Variants in NRG1 observed in about 807,000 individuals in gnomAD.
NRG1 encodes neuregulin 1, also known as pro-neuregulin-1, membrane-bound isoform.
NRG1 carries 18 observed loss-of-function variants against 63.8 expected under a neutral mutation model. The observed-to-expected ratio is 0.28, with a 90% CI of 0.19 to 0.42. NRG1 has a LOEUF of 0.42. Ranked by LOEUF, NRG1 falls within the 10% of genes least tolerant of loss-of-function variation. The pLI is 1.00. For missense variants in NRG1, 762 were observed against 814.7 expected (o/e 0.94, Z 0.79); for synonymous variants, 302 against 301.3 (o/e 1.00, Z -0.02).
intron 1 of NRG1, among the ~76,000 whole-genome samples, chr8:32,357,335 G>A (rs1477590574): frequency 6.6e-6 from 1 of 152,206 alleles, no homozygotes; most frequent in Middle Eastern, 3.2e-3. Flanking sequence ...AAGAAAGGAT[G>A]TAAAATCATG....
At chr8:32,594,149 C>T (rs1842970257) in intron 1 of NRG1, among the ~76,000 whole-genome samples, 1 of 152,134 alleles carries the variant, frequency 6.6e-6, no homozygotes, top group South Asian at 2.1e-4. Context: ...CGTAGAAAAA[C>T]AAATAGAGTT....
intron 1 of NRG1, among the ~76,000 whole-genome samples, chr8:32,533,369 C>A (rs1236063878): frequency 6.6e-6 from 1 of 152,034 alleles, no homozygotes; most frequent in Non-Finnish European, 1.5e-5. Flanking sequence ...AGTTATGTAG[C>A]TATAAAATAC....
chr8:31,757,731 A>G (rs1372623304), intron 1 of NRG1, among the ~76,000 whole-genome samples: 1 of 152,154 alleles, frequency 6.6e-6, no homozygotes, highest in African/African-American at 2.4e-5. Context: ...ATTGTTATCA[A>G]CACACGATAG....
At chr8:31,970,585 A>G (rs1392915172) in intron 1 of NRG1, among the ~76,000 whole-genome samples, 2 of 152,090 alleles carry the variant, frequency 1.3e-5, no homozygotes, top group East Asian at 3.9e-4. Flanking sequence ...CTGTGCAGTC[A>G]AACTCTCAAC....
At chr8:32,761,029 T>A in intron 11 of NRG1, 1 of 978,140 alleles carries the variant, frequency 1.0e-6, no homozygotes, top group Non-Finnish European at 1.2e-6. Flanking sequence ...AAGCAGATAC[T>A]GCCTTCAAGA....
At chr8:32,483,490 C>T (rs1278602433) in intron 1 of NRG1, among the ~76,000 whole-genome samples, 1 of 152,198 alleles carries the variant, frequency 6.6e-6, no homozygotes, top group Non-Finnish European at 1.5e-5. Flanking sequence ...TTAGTCTGGA[C>T]TTAGAGCAAA....
intron 1 of NRG1, among the ~76,000 whole-genome samples, chr8:31,942,607 C>T (rs1396747027): frequency 6.6e-6 from 1 of 152,074 alleles, no homozygotes; most frequent in Non-Finnish European, 1.5e-5. Context: ...AGACAATCCA[C>T]AGAGTAGGAG....
intron 1 of NRG1, among the ~76,000 whole-genome samples, chr8:31,857,737 T>G (rs6987944): frequency 0.68 from 103,905 of 152,154 alleles, 35,890 homozygotes; most frequent in East Asian, 0.92. Context: ...TTTATTTTAT[T>G]TTTATTTTAG....
intron 1 of NRG1, among the ~76,000 whole-genome samples, chr8:31,951,781 A>C (rs2129623362): frequency 6.6e-6 from 1 of 152,322 alleles, no homozygotes; most frequent in African/African-American, 2.4e-5. Context: ...ACATAGTAGA[A>C]AGTAGAATAT....
chr8:32,676,569 CT>C (rs1366478864), intron 5 of NRG1, among the ~76,000 whole-genome samples: 1 of 152,116 alleles, frequency 6.6e-6, no homozygotes, highest in Non-Finnish European at 1.5e-5. Flanking sequence ...AATTAATATA[CT>C]TTTCTCAGGT....
chr8:31,813,808 T>A (rs941918196), intron 1 of NRG1, among the ~76,000 whole-genome samples: 7 of 152,104 alleles, frequency 4.6e-5, no homozygotes, highest in Admixed American at 2.6e-4. Context: ...ATTATAGGTG[T>A]GAGCCATCAT....
intron 1 of NRG1, among the ~76,000 whole-genome samples, chr8:32,381,864 TA>T (rs1374206991): frequency 6.6e-6 from 1 of 152,222 alleles, no homozygotes; most frequent in Non-Finnish European, 1.5e-5. Context: ...AAAGTTAGTA[TA>T]AGCAGTTAAA....
At chr8:32,103,284 ATGTT>A (rs1830808310) in intron 1 of NRG1, among the ~76,000 whole-genome samples, 1 of 152,160 alleles carries the variant, frequency 6.6e-6, no homozygotes, top group Admixed American at 6.5e-5. Context: ...AGAATACACA[ATGTT>A]TGTCTTTCTG....
At chr8:31,965,710 GT>G (rs1275423666) in intron 1 of NRG1, among the ~76,000 whole-genome samples, 1 of 152,092 alleles carries the variant, frequency 6.6e-6, no homozygotes, top group African/African-American at 2.4e-5. Context: ...AACATCTGTT[GT>G]TTTTTGACTT....
chr8:32,195,477 A>T (rs1437643791), intron 1 of NRG1, among the ~76,000 whole-genome samples: 1 of 151,770 alleles, frequency 6.6e-6, no homozygotes, highest in Admixed American at 6.6e-5. Flanking sequence ...CAGTTAAAAT[A>T]GGTCAACATC....
chr8:31,912,426 C>A (rs545787221), intron 1 of NRG1, among the ~76,000 whole-genome samples: 35 of 151,948 alleles, frequency 2.3e-4, no homozygotes, highest in Non-Finnish European at 4.3e-4. Context: ...CTGGAAGCAG[C>A]TGCTCTCAGG....
At chr8:32,136,152 C>A (rs1585564641) in intron 1 of NRG1, among the ~76,000 whole-genome samples, 1 of 152,278 alleles carries the variant, frequency 6.6e-6, no homozygotes, top group East Asian at 1.9e-4. Flanking sequence ...AGAGCAAAGG[C>A]AGGTTCAGTT....
chr8:32,645,521 A>G (rs979838893), intron 5 of NRG1, among the ~76,000 whole-genome samples: 1 of 152,348 alleles, frequency 6.6e-6, no homozygotes, highest in East Asian at 1.9e-4. Flanking sequence ...TGAAGGAAGA[A>G]GTGATAATAT....
chr8:31,728,724 G>T (rs1010170787), intron 1 of NRG1, among the ~76,000 whole-genome samples: 4 of 152,218 alleles, frequency 2.6e-5, no homozygotes, highest in Non-Finnish European at 5.9e-5. Flanking sequence ...CTTTAAGGTT[G>T]CTCACCAAGT....
Sources: allele counts gnomAD v4.1 joint callset (sites outside exome capture counted in the v4.1 genomes callset), GRCh38; gene constraint gnomAD v4.1.1; transcripts MANE v1.5; gene names NCBI Gene and HGNC (gene_info 2026-07-23, HGNC 2026-07-21).